The following PRKD1 variants were observed in gnomAD, a reference collection of about 807,000 sequenced individuals.
PRKD1 encodes protein kinase D1, also known as serine/threonine-protein kinase D1.
A neutral mutation model predicts 95.9 loss-of-function variants in PRKD1; 63 were observed. The observed-to-expected ratio is 0.66, with a 90% confidence interval of 0.54 to 0.81. The LOEUF (loss-of-function observed/expected upper bound fraction) is 0.81. PRKD1 is among the 30% of genes least tolerant of loss of function. PRKD1 has a pLI of 0.00. For synonymous variants in PRKD1, 425 were observed against 423.1 expected (o/e 1.00, Z -0.05); for missense variants, 1,048 against 1,165.3 (o/e 0.90, Z 1.47).
chr14:29,654,057 T>C (rs950894995), intron 4 of PRKD1, among the ~76,000 whole-genome samples: 3 of 152,098 alleles, frequency 2.0e-5, no homozygotes, highest in South Asian at 2.1e-4. Context: ...GTTAAAAATG[T>C]AAACTTTTAC....
chr14:29,819,547 G>A (rs970270126), intron 1 of PRKD1, among the ~76,000 whole-genome samples: 20 of 152,030 alleles, frequency 1.3e-4, no homozygotes, highest in Non-Finnish European at 2.4e-4. Context: ...AAAATTACCC[G>A]GGCGTGGTGG....
chr14:29,662,581 A>C (rs1882243907), intron 4 of PRKD1, among the ~76,000 whole-genome samples: 2 of 152,148 alleles, frequency 1.3e-5, no homozygotes, highest in African/African-American at 4.8e-5. Context: ...GAGCCTTATA[A>C]AAGAGTATGG....
At chr14:29,897,059 T>C (rs1186078831) in intron 1 of PRKD1, among the ~76,000 whole-genome samples, 2 of 151,988 alleles carry the variant, frequency 1.3e-5, no homozygotes, top group African/African-American at 4.8e-5. Flanking sequence ...ATAAAACCAC[T>C]TACAATTTTA....
intron 1 of PRKD1, among the ~76,000 whole-genome samples, chr14:29,894,545 C>T (rs747860115): frequency 2.3e-4 from 35 of 152,126 alleles, no homozygotes; most frequent in Non-Finnish European, 8.8e-5. Context: ...TTAATGAGAC[C>T]TACATTTGTA....
chr14:29,788,592 T>C (rs1889379988), intron 1 of PRKD1, among the ~76,000 whole-genome samples: 1 of 152,160 alleles, frequency 6.6e-6, no homozygotes, highest in Admixed American at 6.5e-5. Context: ...TTATGTAGGC[T>C]TTCTTTATTC....
intron 2 of PRKD1, among the ~76,000 whole-genome samples, chr14:29,711,869 A>G (rs1042760964): frequency 1.3e-5 from 2 of 152,190 alleles, no homozygotes; most frequent in Non-Finnish European, 1.5e-5. Flanking sequence ...CAGAAAGCAA[A>G]TAATTGTTTA....
intron 1 of PRKD1, among the ~76,000 whole-genome samples, chr14:29,733,453 A>G (rs1886557577): frequency 6.6e-6 from 1 of 152,124 alleles, no homozygotes; most frequent in South Asian, 2.1e-4. Context: ...AATATATGCT[A>G]TTAGTCGGTT....
rs372269546 is a variant in PRKD1 at position 29,638,670 on chromosome 14, G to A, written c.907+24C>T. ...AGATGAATGAGGGTGATCAAAGTTCGACAGGTGACAAAATCATCCTTACCT... is the reference window on the plus strand; with the variant it reads ...AGATGAATGAGGGTGATCAAAGTTCAACAGGTGACAAAATCATCCTTACCT... On this transcript the variant is annotated intron_variant, in intron 5 of 17. Transcript: ENST00000331968. 6.3e-5 allele frequency: 101 copies of A among 1,612,556 alleles called. 1 individual carries two copies. In the African/African-American group the frequency reaches 9.6e-4, roughly 15 times the overall value.
At chr14:29,702,168 A>G (rs1195140974) in intron 2 of PRKD1, among the ~76,000 whole-genome samples, 2 of 152,096 alleles carry the variant, frequency 1.3e-5, no homozygotes, top group Non-Finnish European at 2.9e-5. Flanking sequence ...CTAAGGTTTA[A>G]TCCTAAGTAT....
chr14:29,607,425 T>C (rs750555375), intron 13 of PRKD1, among the ~76,000 whole-genome samples: 10 of 152,192 alleles, frequency 6.6e-5, no homozygotes, highest in Non-Finnish European at 5.9e-5. Flanking sequence ...AGAAATCAAG[T>C]TGATGGCAAG....
At chr14:29,733,077 C>A (rs1402663063) in intron 1 of PRKD1, among the ~76,000 whole-genome samples, 1 of 148,934 alleles carries the variant, frequency 6.7e-6, no homozygotes, top group African/African-American at 2.5e-5. Flanking sequence ...ATTTTCTTTT[C>A]TTTTTTTATT....
intron 1 of PRKD1, among the ~76,000 whole-genome samples, chr14:29,842,864 G>A (rs1327750884): frequency 6.6e-6 from 1 of 152,112 alleles, no homozygotes; most frequent in African/African-American, 2.4e-5. Flanking sequence ...TAAATGTGGG[G>A]AGCGGGTATA....
intron 1 of PRKD1, among the ~76,000 whole-genome samples, chr14:29,864,890 G>A (rs1250941792): frequency 6.6e-6 from 1 of 152,116 alleles, no homozygotes; most frequent in Non-Finnish European, 1.5e-5. Context: ...CTCCTGAATT[G>A]TTTATAGGTC....
At chr14:29,614,456 T>C (rs549999253) in intron 13 of PRKD1, among the ~76,000 whole-genome samples, 2 of 152,168 alleles carry the variant, frequency 1.3e-5, no homozygotes, top group South Asian at 4.1e-4. Context: ...CTCACTTGAG[T>C]AATAAGTAAT....
chr14:29,717,636 G>A (rs537001729), intron 2 of PRKD1, among the ~76,000 whole-genome samples: 1 of 152,010 alleles, frequency 6.6e-6, no homozygotes, highest in Non-Finnish European at 1.5e-5. Flanking sequence ...CTATTGTTAT[G>A]TTACCATCAC....
At chr14:29,787,085 C>T (rs1889306556) in intron 1 of PRKD1, among the ~76,000 whole-genome samples, 1 of 151,892 alleles carries the variant, frequency 6.6e-6, no homozygotes, top group African/African-American at 2.4e-5. Flanking sequence ...TCTTCATTGA[C>T]TCACTGGTCA....
chr14:29,882,417 T>C, intron 1 of PRKD1, among the ~76,000 whole-genome samples: 1 of 152,236 alleles, frequency 6.6e-6, no homozygotes, highest in Non-Finnish European at 1.5e-5. Context: ...TATTATTCTT[T>C]AGAAACAATT....
intron 1 of PRKD1, among the ~76,000 whole-genome samples, chr14:29,744,703 T>C (rs539223725): frequency 1.2e-4 from 18 of 152,268 alleles, no homozygotes; most frequent in South Asian, 1.0e-3. Context: ...CCCGCCACCA[T>C]GCCCAGCTAA....
intron 1 of PRKD1, among the ~76,000 whole-genome samples, chr14:29,728,338 G>A (rs891065111): frequency 1.3e-5 from 2 of 152,102 alleles, no homozygotes; most frequent in Admixed American, 6.6e-5. Flanking sequence ...ATAAATCTAT[G>A]AGTCTTGACA....
Sources: gnomAD v4.1 joint callset for allele counts (sites outside exome capture counted in the v4.1 genomes callset) on GRCh38, gnomAD v4.1.1 for gene constraint, MANE v1.5 for transcripts, NCBI Gene and HGNC (gene_info 2026-07-23, HGNC 2026-07-21) for gene names.